The following SHROOM1 variants were observed in gnomAD, a reference collection of about 807,000 sequenced individuals.
SHROOM1 encodes protein Shroom1.
In SHROOM1, 53 loss-of-function variants were observed where a neutral mutation model predicts 64.2. That is an observed-to-expected ratio of 0.83 (90% CI 0.66 to 1.04). SHROOM1 has a LOEUF of 1.04. Among genes scored for constraint, SHROOM1 ranks in the 50% least tolerant of loss-of-function variants. The pLI, the probability that SHROOM1 is intolerant of heterozygous loss-of-function variation, is 0.00. For synonymous variants in SHROOM1, 490 were observed against 518.9 expected (o/e 0.94, Z 0.76); for missense variants, 1,179 against 1,163.2 (o/e 1.01, Z -0.20).
Position 132,830,415 on chromosome 5 carries a change from A to T in SHROOM1, c.-501+179T>A. On this transcript the variant is annotated intron_variant, in intron 1 of 9. Transcript: ENST00000378679. The surrounding 1 kb of genome is among the most constrained non-coding windows in gnomAD (Gnocchi z 5.9). ...GAGAGGCGCGCTGGGGTCCGACTCC[A>T]CTGGCGCAACCTGACGCGGCGCCGA... The T allele has an allele frequency of 1.0e-6, 1 of 984,732 alleles. No individual in the cohort carries two copies. 61.0% of individuals were successfully genotyped at this position (984,732 alleles called of 1,614,324 possible).
Position 132,830,137 on chromosome 5 carries a change from G to A in SHROOM1, c.-501+457C>T, listed in dbSNP as rs936554607. The A allele has an allele frequency of 2.5e-5, 25 of 985,260 alleles. No individual in the cohort carries two copies. The African/African-American group carries it at 4.2e-4, about 17-fold the overall frequency. 61.0% of individuals were successfully genotyped at this position (985,260 alleles called of 1,614,324 possible). A position where few individuals can be genotyped will look rare whatever the true frequency, so the allele number is the denominator to read the frequency against. On this transcript the variant is annotated intron_variant, in intron 1 of 9. Coordinates refer to ENST00000378679, the MANE Select transcript of SHROOM1 (RefSeq NM_001172700.2). This position sits in a 1 kb window ranked among gnomAD's most constrained non-coding sequence, Gnocchi z 5.9. ...CGGAGCGGCTCGACAGCAGATGGCC[G>A]CAGCCCCGCGCAGTTCTGGGCCTTT... is the stretch of plus-strand genomic sequence containing the variant.
chr5:132,826,221 G>A, intron 3 of SHROOM1, 39 bp from the exon 4 acceptor site: 2 of 1,267,170 alleles, frequency 1.6e-6, no homozygotes, highest in South Asian at 2.8e-5. Flanking sequence ...GAGGAGCTCC[G>A]GGTGAGGGCT....
rs561831457 is a variant in SHROOM1 at position 132,830,165 on chromosome 5, C to G, written c.-501+429G>C. 60 of 985,230 alleles carry G rather than the reference C, an allele frequency of 6.1e-5. No homozygotes were observed. The South Asian group carries it at 2.6e-3, about 43-fold the overall frequency. The allele number at this position is 985,230 out of a possible 1,614,324, so 61.0% of individuals were successfully genotyped here. On this transcript the variant is annotated intron_variant, in intron 1 of 9. Coordinates refer to ENST00000378679, the MANE Select transcript of SHROOM1 (RefSeq NM_001172700.2). This position sits in a 1 kb window ranked among gnomAD's most constrained non-coding sequence, Gnocchi z 5.9. Reference sequence around the variant, plus strand: ...GCCCCGCGCAGTTCTGGGCCTTTCCCGTTGGGTTCACCGTCGGGGAAGGAT... The same window carrying G: ...GCCCCGCGCAGTTCTGGGCCTTTCCGGTTGGGTTCACCGTCGGGGAAGGAT...
chr5:132,823,630 C>A lies in SHROOM1; in HGVS notation c.1946G>T (p.Gly649Val). ...GLPAPNNSIQ[G>V]KKVELAARLQ... Reference sequence around the variant, plus strand: ...CAGCCCTTCTCCACTCACTTTCTTGCCCTGGATGCTGTTGTTTGGTGCAGG... The same window carrying A: ...CAGCCCTTCTCCACTCACTTTCTTGACCTGGATGCTGTTGTTTGGTGCAGG... Residue 649 changes from glycine to valine, a missense_variant, in exon 8 of 10, where the codon GGC (glycine) becomes GTC (valine). Gly to Val is a moderately radical substitution (Grantham distance 109). Transcript: ENST00000378679. The surrounding 1 kb of genome is among the most constrained non-coding windows in gnomAD (Gnocchi z 4.6). 6.3e-7 allele frequency: 1 copy of A among 1,592,604 alleles called. No individual in the cohort carries two copies. The highest frequency in any genetic ancestry group is 8.6e-7 in the Non-Finnish European group (1 of 1,169,046).
chr5:132,824,574 C>G (rs748064127), intron 6 of SHROOM1, 41 bp downstream of exon 6: 4 of 1,578,878 alleles, frequency 2.5e-6, no homozygotes, highest in Non-Finnish European at 3.5e-6. Flanking sequence ...ATGTGTGTGT[C>G]AGGGGGTGCC....
chr5:132,825,511 G>T lies in SHROOM1; in HGVS notation c.630C>A (p.Gly210=). ...GCTGCTGGTTGGCGAGGGGACCCCG[G>T]CCGGCAGTTCCTGGCGCGGGAGCCC... ...RSRAPAPGTA[G]RGPLANQQRK... Residue 210 remains glycine, a synonymous_variant, in exon 4 of 10, where the codon GGC becomes GGA. Transcript: ENST00000378679. The surrounding 1 kb of genome is among the most constrained non-coding windows in gnomAD (Gnocchi z 5.1). 6.7e-7 allele frequency: 1 copy of T among 1,485,802 alleles called. No homozygotes were observed. The highest frequency in any genetic ancestry group is 8.9e-7 in the Non-Finnish European group (1 of 1,124,388). The allele number at this position is 1,485,802 out of a possible 1,614,324, so 92.0% of individuals were successfully genotyped here.
intron 1 of SHROOM1, among the ~76,000 whole-genome samples, chr5:132,828,634 C>T (rs1267399962): frequency 6.6e-6 from 1 of 152,186 alleles, no homozygotes; most frequent in Non-Finnish European, 1.5e-5. Flanking sequence ...AAGATGTTTC[C>T]TCAAAAGAGG....
rs766551380 is a variant in SHROOM1, at chr5:132,824,633, G to T, written c.1223C>A (p.Ser408Tyr). ...RMRSPPDPHA[S>Y]QGPPASVHAS... The stretch of plus-strand genomic sequence containing the variant: ...GAATTACCTGGCTGGGGGCCCCTGG[G>T]AGGCATGGGGGTCTGGTGGTGATCT... Residue 408 changes from serine to tyrosine, a missense_variant, in exon 6 of 10, where the codon TCC becomes TAC. Coordinates refer to ENST00000378679, the MANE Select transcript of SHROOM1 (RefSeq NM_001172700.2). 52 of 1,608,644 alleles carry T rather than the reference G, an allele frequency of 3.2e-5. No homozygotes were observed. In the South Asian group the frequency reaches 5.7e-4, roughly 18 times the overall value.
chr5:132,830,059 C>T lies in SHROOM1; in HGVS notation c.-501+535G>A, dbSNP rs969293211. On this transcript the variant is annotated intron_variant, in intron 1 of 9. Coordinates refer to ENST00000378679, the MANE Select transcript of SHROOM1 (RefSeq NM_001172700.2). This position sits in a 1 kb window ranked among gnomAD's most constrained non-coding sequence, Gnocchi z 5.9. Reference sequence around the variant, plus strand: ...GGTTCAATCTCTGGGAGCCGAGGCACGGGAGGGAGAGAGGCGCAGGCCCCG... The same window carrying T: ...GGTTCAATCTCTGGGAGCCGAGGCATGGGAGGGAGAGAGGCGCAGGCCCCG... The T allele has an allele frequency of 1.0e-6, 1 of 985,188 alleles. No individual in the cohort carries two copies. The highest frequency in any genetic ancestry group is 1.2e-6 in the Non-Finnish European group (1 of 829,888). The allele number at this position is 985,188 out of a possible 1,614,324, so 61.0% of individuals were successfully genotyped here. A position where few individuals can be genotyped will look rare whatever the true frequency, so the allele number is the denominator to read the frequency against.
Position 132,826,330 on chromosome 5 carries a change from CAG to C in SHROOM1, c.-98_-97del, listed in dbSNP as rs891109164. The stretch of plus-strand genomic sequence containing the variant: ...AGCGCTGGCATCCCCCAGATTTTGG[CAG>C]AGTCACCTTGGGATCAGAGGTGGCA... On this transcript the variant is annotated 5_prime_UTR_variant, in exon 3 of 10. Coordinates refer to ENST00000378679, the MANE Select transcript of SHROOM1 (RefSeq NM_001172700.2). 1.8e-5 allele frequency: 22 copies of C among 1,229,384 alleles called. No homozygotes were observed. The highest frequency in any genetic ancestry group is 2.1e-5 in the Non-Finnish European group (21 of 983,332). 76.2% of individuals were successfully genotyped at this position (1,229,384 alleles called of 1,614,324 possible).
At position 132,825,386 on chromosome 5, in the gene SHROOM1, A is replaced by G. The variant is rs1758639132; in HGVS notation, c.755T>C (p.Leu252Pro). ...GAACTCCAAGGGCTCGGGCCCAGGG[A>G]GGCCAGAGCTGGAGCAGGCCTCACC... ...CLGEACSSSGLPGPEPLEFQH... is the reference protein window; with the variant it reads ...CLGEACSSSGPPGPEPLEFQH... The change falls in exon 4 of 10, where the codon CTC (leucine) becomes CCC (proline). Residue 252 changes from leucine to proline, a missense_variant. Transcript: ENST00000378679. This position sits in a 1 kb window ranked among gnomAD's most constrained non-coding sequence, Gnocchi z 5.1. The G allele has an allele frequency of 6.3e-7, 1 of 1,596,996 alleles. No individual in the cohort carries two copies. Among genetic ancestry groups the G allele is most frequent in the African/African-American group, 1.3e-5 (1 of 74,854 alleles).
rs770130764 is a variant in SHROOM1 at position 132,825,046 on chromosome 5, T to C, written c.1006A>G (p.Arg336Gly). 3 of 1,614,116 alleles carry C rather than the reference T, an allele frequency of 1.9e-6. No individual in the cohort carries two copies. Among genetic ancestry groups the C allele is most frequent in the Non-Finnish European group, 1.7e-6 (2 of 1,180,018 alleles). Reference protein sequence around the residue: ...QAVPQGAETPRPLFQTKLSRF... With the variant: ...QAVPQGAETPGPLFQTKLSRF... The stretch of plus-strand genomic sequence containing the variant: ...GAAAGTTTGGTCTGAAACAATGGTC[T>C]GGGGGTTTCTGCTCCTTGGGGAACA... The change falls in exon 5 of 10, where the codon AGA becomes GGA. Residue 336 changes from arginine to glycine, a missense_variant. Transcript: ENST00000378679. This position sits in a 1 kb window ranked among gnomAD's most constrained non-coding sequence, Gnocchi z 5.1.
intron 1 of SHROOM1, among the ~76,000 whole-genome samples, chr5:132,827,921 G>A (rs948881731): frequency 3.3e-5 from 5 of 152,156 alleles, no homozygotes; most frequent in Admixed American, 1.3e-4. Flanking sequence ...GGTCCTGGGA[G>A]GGGGATCAAG....
In SHROOM1 at chr5:132,830,540, CG is replaced by C; in HGVS notation, c.-501+53del. 3 of 982,542 alleles carry C rather than the reference CG, an allele frequency of 3.1e-6. No homozygotes were observed. The highest frequency in any genetic ancestry group is 4.6e-5 in the South Asian group (1 of 21,722). 60.9% of individuals were successfully genotyped at this position (982,542 alleles called of 1,614,324 possible). ...TCCGCCCGCAGCCCCGCCGGCCTCC[CG>C]GGGGAAGCGGACCCAGCCGCCCGCT... On this transcript the variant is annotated intron_variant, in intron 1 of 9. Transcript: ENST00000378679. The surrounding 1 kb of genome is among the most constrained non-coding windows in gnomAD (Gnocchi z 5.9).
In SHROOM1 at chr5:132,830,533, G is replaced by A; in HGVS notation, c.-501+61C>T. On this transcript the variant is annotated intron_variant, in intron 1 of 9. Coordinates refer to ENST00000378679, the MANE Select transcript of SHROOM1 (RefSeq NM_001172700.2). This position sits in a 1 kb window ranked among gnomAD's most constrained non-coding sequence, Gnocchi z 5.9. ...ACCCCCGTCCGCCCGCAGCCCCGCCGGCCTCCCGGGGGAAGCGGACCCAGC... is the reference window on the plus strand; with the variant it reads ...ACCCCCGTCCGCCCGCAGCCCCGCCAGCCTCCCGGGGGAAGCGGACCCAGC... The A allele has an allele frequency of 9.2e-6, 9 of 982,418 alleles. No homozygotes were observed. Among genetic ancestry groups the A allele is most frequent in the Non-Finnish European group, 1.1e-5 (9 of 827,084 alleles). The allele number at this position is 982,418 out of a possible 1,614,324, so 60.9% of individuals were successfully genotyped here.
At chr5:132,826,908 G>A (rs562357229) in intron 2 of SHROOM1, among the ~76,000 whole-genome samples, 55 of 152,316 alleles carry the variant, frequency 3.6e-4, no homozygotes, top group Middle Eastern at 3.4e-3. Context: ...CTAGAAGCAA[G>A]CCCTGCTGAA....
chr5:132,827,710 G>A (rs1758747839), intron 1 of SHROOM1, 103 bp from the exon 2 acceptor site: 2 of 152,266 alleles, frequency 1.3e-5, no homozygotes, highest in Non-Finnish European at 2.9e-5. Flanking sequence ...ATGTAGGGGT[G>A]GCCTTGGTAG....
At position 132,822,351 on chromosome 5, in the gene SHROOM1, C is replaced by CTTTTTTTTTTTTTTTTTTTTTT. The variant is rs34378204; in HGVS notation, c.*423_*444dup. The CTTTTTTTTTTTTTTTTTTTTTT allele has an allele frequency of 3.4e-5, 2 of 58,642 alleles. No homozygotes were observed. The highest frequency in any genetic ancestry group is 5.9e-5 in the Non-Finnish European group (2 of 33,844). The allele number at this position is 58,642 out of a possible 1,614,324, so 3.6% of individuals were successfully genotyped here. On this transcript the variant is annotated 3_prime_UTR_variant, in exon 10 of 10. Transcript: ENST00000378679. ...ACATGAGAACACTTTGGAGAAGTAT[C>CTTTTTTTTTTTTTTTTTTTTTT]TTTTTTTTTTTTTTTTTTTTTTTTT...
chr5:132,830,407 C>T lies in SHROOM1; in HGVS notation c.-501+187G>A. ...GCAGCTGGGAGAGGCGCGCTGGGGT[C>T]CGACTCCACTGGCGCAACCTGACGC... is the stretch of plus-strand genomic sequence containing the variant. On this transcript the variant is annotated intron_variant, in intron 1 of 9. Transcript: ENST00000378679. This position sits in a 1 kb window ranked among gnomAD's most constrained non-coding sequence, Gnocchi z 5.9. The T allele has an allele frequency of 1.0e-6, 1 of 985,060 alleles. No individual in the cohort carries two copies. The highest frequency in any genetic ancestry group is 4.7e-5 in the South Asian group (1 of 21,288). The allele number at this position is 985,060 out of a possible 1,614,324, so 61.0% of individuals were successfully genotyped here.
Sources: gnomAD v4.1 joint callset for allele counts (sites outside exome capture counted in the v4.1 genomes callset) on GRCh38, gnomAD v4.1.1 for gene constraint, Gnocchi (gnomAD v3.1) non-coding constraint, MANE v1.5 for transcripts, NCBI Gene and HGNC (gene_info 2026-07-23, HGNC 2026-07-21) for gene names.